Variants in CYB5R4 observed in about 807,000 individuals in gnomAD.
The protein encoded by CYB5R4 is N-terminal cytochrome b5 and cytochrome b5 oxidoreductase domain-containing protein.
In CYB5R4, 55 loss-of-function variants were observed where a neutral mutation model predicts 70.2. The observed-to-expected ratio is 0.78, with a 90% CI of 0.63 to 0.98. The LOEUF (loss-of-function observed/expected upper bound fraction) is 0.98, where lower values mean the gene tolerates loss of function less well. Ranked by LOEUF, CYB5R4 falls within the 50% of genes least tolerant of loss-of-function variation. CYB5R4 has a pLI of 0.00. For missense variants in CYB5R4, 562 were observed against 612.6 expected, an observed-to-expected ratio of 0.92 and a Z score of 0.87; for synonymous variants, 197 against 199.5, an observed-to-expected ratio of 0.99 and a Z score of 0.11.
intron 2 of CYB5R4, among the ~76,000 whole-genome samples, chr6:83,876,487 A>G (rs1251369772): frequency 2.6e-5 from 3 of 116,094 alleles, no homozygotes; most frequent in Non-Finnish European, 5.5e-5. Context: ...ATTATTTTTT[A>G]TACTTCTTTG....
chr6:83,882,613 T>C (rs2129131833), intron 2 of CYB5R4, among the ~76,000 whole-genome samples: 1 of 152,296 alleles, frequency 6.6e-6, no homozygotes, highest in East Asian at 1.9e-4. Flanking sequence ...AGTCTGACTC[T>C]GAGATGATCC....
intron 11 of CYB5R4, among the ~76,000 whole-genome samples, chr6:83,935,609 A>G (rs1181781681): frequency 2.0e-5 from 3 of 152,170 alleles, no homozygotes; most frequent in Admixed American, 2.0e-4. Flanking sequence ...GAATTTGGCT[A>G]CCTAAAATAA....
At chr6:83,917,796 G>A (rs1324499676) in intron 5 of CYB5R4, among the ~76,000 whole-genome samples, 2 of 152,016 alleles carry the variant, frequency 1.3e-5, no homozygotes, top group Non-Finnish European at 2.9e-5. Context: ...ATTGAAAAGG[G>A]GGCATGAAGA....
At chr6:83,895,197 G>A (rs923428668) in intron 3 of CYB5R4, among the ~76,000 whole-genome samples, 2 of 152,024 alleles carry the variant, frequency 1.3e-5, no homozygotes, top group African/African-American at 2.4e-5. Context: ...ACAGAGTCTC[G>A]CTCTGTCCCC....
Position 83,964,102 on chromosome 6 carries a change from C to A in CYB5R4, c.*4224C>A. 1 of 173,702 alleles carries A rather than the reference C, an allele frequency of 5.8e-6. No individual in the cohort carries two copies. The highest frequency in any genetic ancestry group is 1.2e-5 in the Non-Finnish European group (1 of 83,884). 10.8% of individuals were successfully genotyped at this position (173,702 alleles called of 1,614,324 possible). A position where few individuals can be genotyped will look rare whatever the true frequency, so the allele number is the denominator to read the frequency against. Reference sequence around the variant, plus strand: ...TCTCAGGTACGTCTTTTATCAGCAGCGTGAAAATGGACTAATACAGTAAAT... The same window carrying A: ...TCTCAGGTACGTCTTTTATCAGCAGAGTGAAAATGGACTAATACAGTAAAT... On this transcript the variant is annotated 3_prime_UTR_variant, in exon 16 of 16. Transcript: ENST00000369681.
chr6:83,921,765 A>G (rs1006554672), intron 8 of CYB5R4, among the ~76,000 whole-genome samples: 1 of 152,252 alleles, frequency 6.6e-6, no homozygotes, highest in South Asian at 2.1e-4. Flanking sequence ...TTGGTTGCCA[A>G]TATTGCATTG....
chr6:83,916,791 A>G (rs2099465586), intron 5 of CYB5R4, among the ~76,000 whole-genome samples: 1 of 152,158 alleles, frequency 6.6e-6, no homozygotes, highest in African/African-American at 2.4e-5. Context: ...GTTTGTGTCT[A>G]AAAAGAATCT....
chr6:83,900,791 C>T lies in CYB5R4; in HGVS notation c.330+7169C>T, dbSNP rs568736529. Among the ~76,000 whole-genome samples the T allele has an allele frequency of 6.6e-5, 10 of 152,128 alleles. No individual in the cohort carries two copies. The South Asian group carries it at 2.1e-3, about 32-fold the overall frequency. ...TTCATCAGAGACTAGGATTGCAACC[C>T]CTGCCTTTTTTTGTTTTCCATTTGC... On this transcript the variant is annotated intron_variant, in intron 3 of 15. Transcript: ENST00000369681.
chr6:83,944,644 T>C (rs955982424), intron 14 of CYB5R4, among the ~76,000 whole-genome samples: 1 of 151,930 alleles, frequency 6.6e-6, no homozygotes, highest in African/African-American at 2.4e-5. Flanking sequence ...GTCTGGCAAA[T>C]TGGATAAAGA....
intron 10 of CYB5R4, among the ~76,000 whole-genome samples, chr6:83,934,266 T>C (rs974113728): frequency 5.9e-5 from 9 of 151,412 alleles, no homozygotes; most frequent in African/African-American, 2.2e-4. Context: ...GACTTTAGAA[T>C]GTAAGTTTCT....
At chr6:83,923,313 G>A (rs139261393) in intron 9 of CYB5R4, among the ~76,000 whole-genome samples, 1,594 of 152,128 alleles carry the variant, frequency 0.01, 37 homozygotes, top group African/African-American at 0.036. Context: ...ACCTTACACT[G>A]GTCCAATGTT....
At position 83,901,847 on chromosome 6, in the gene CYB5R4, A is replaced by G. The variant is rs999390300; in HGVS notation, c.331-7162A>G. Among the ~76,000 whole-genome samples, 10 of 151,538 alleles carry G rather than the reference A, an allele frequency of 6.6e-5. No homozygotes were observed. The East Asian group carries it at 1.6e-3, about 24-fold the overall frequency. ...ATTTGTCATCTTTTGAGAATTGTCT[A>G]TTCATGTTCTTTGCCCACTTCTTAA... On this transcript the variant is annotated intron_variant, in intron 3 of 15. Coordinates refer to ENST00000369681, the MANE Select transcript of CYB5R4 (RefSeq NM_016230.4).
chr6:83,910,783 G>A (rs2099464552), intron 4 of CYB5R4, among the ~76,000 whole-genome samples: 2 of 152,076 alleles, frequency 1.3e-5, no homozygotes. Context: ...AGCCAACTTG[G>A]GGAGAAAATA....
intron 12 of CYB5R4, among the ~76,000 whole-genome samples, chr6:83,938,117 T>C (rs1457895380): frequency 1.3e-5 from 2 of 152,228 alleles, no homozygotes; most frequent in Non-Finnish European, 2.9e-5. Flanking sequence ...TTAGTCATCC[T>C]TGGTTACGTA....
intron 2 of CYB5R4, among the ~76,000 whole-genome samples, chr6:83,870,673 T>G (rs562236004): frequency 6.6e-6 from 1 of 152,224 alleles, no homozygotes; most frequent in African/African-American, 2.4e-5. Context: ...TGTAGTTTAC[T>G]TTGTGTACTA....
rs150797150 is a variant in CYB5R4, at chr6:83,868,170, C to CTT, written c.229+3851_229+3852dup. ...ACAGGGAAGCATGGTATCATAGTGCCTTTTTTTTTTCCCTTTTTTAAAGTA... is the reference window on the plus strand; with the variant it reads ...ACAGGGAAGCATGGTATCATAGTGCCTTTTTTTTTTTTCCCTTTTTTAAAGTA... On this transcript the variant is annotated intron_variant, in intron 2 of 15. Coordinates refer to ENST00000369681, the MANE Select transcript of CYB5R4 (RefSeq NM_016230.4). 3.1e-3 allele frequency among the ~76,000 whole-genome samples: 456 copies of CTT among 146,838 alleles called. 1 individual carries two copies. The highest frequency in any genetic ancestry group is 0.01 in the African/African-American group (422 of 40,260).
chr6:83,932,236 C>T (rs1186638940), intron 10 of CYB5R4, among the ~76,000 whole-genome samples: 1 of 152,128 alleles, frequency 6.6e-6, no homozygotes, highest in East Asian at 1.9e-4. Flanking sequence ...AAATTATAGT[C>T]AGGCTTCTAT....
chr6:83,940,659 G>C (rs1562844498), intron 14 of CYB5R4, 58 bp downstream of exon 14: 2 of 1,523,112 alleles, frequency 1.3e-6, no homozygotes, highest in African/African-American at 2.9e-5. Context: ...GTAAGTCTAT[G>C]CCTTATCTTC....
chr6:83,908,805 C>T (rs1448164260), intron 3 of CYB5R4, among the ~76,000 whole-genome samples: 1 of 152,156 alleles, frequency 6.6e-6, no homozygotes, highest in Non-Finnish European at 1.5e-5. Flanking sequence ...TTCCAAAGGT[C>T]CCAACACTTT....
Sources: allele counts gnomAD v4.1 joint callset (sites outside exome capture counted in the v4.1 genomes callset), GRCh38; gene constraint gnomAD v4.1.1; transcripts MANE v1.5; gene names NCBI Gene and HGNC (gene_info 2026-07-23, HGNC 2026-07-21).